Variants in CCN4 observed in about 807,000 individuals in gnomAD.
CCN4 encodes CCN family member 4.
A neutral mutation model predicts 36.7 loss-of-function variants in CCN4; 30 were observed. The ratio of observed to expected loss-of-function variants is 0.82; its 90% CI spans 0.61 to 1.11. CCN4 has a LOEUF of 1.11. Among genes scored for constraint, CCN4 ranks in the 50% least tolerant of loss-of-function variants. The pLI, the probability that CCN4 is intolerant of heterozygous loss-of-function variation, is 0.00. For missense variants in CCN4, 505 were observed against 504.9 expected, an observed-to-expected ratio of 1.00 and a Z score of 0.00; for synonymous variants, 191 against 195.4, an observed-to-expected ratio of 0.98 and a Z score of 0.19.
chr8:133,207,401 C>G (rs188962224), intron 1 of CCN4, among the ~76,000 whole-genome samples: 10 of 152,360 alleles, frequency 6.6e-5, no homozygotes, highest in Admixed American at 4.6e-4. Flanking sequence ...CCCAAAGCCT[C>G]TCCTTGAGCT....
intron 1 of CCN4, among the ~76,000 whole-genome samples, chr8:133,205,532 A>G (rs1325562659): frequency 6.6e-6 from 1 of 152,184 alleles, no homozygotes; most frequent in Non-Finnish European, 1.5e-5. Flanking sequence ...TCTGCAGAAC[A>G]GGCCCAGGCA....
intron 1 of CCN4, among the ~76,000 whole-genome samples, chr8:133,212,055 G>A (rs563665641): frequency 6.6e-6 from 1 of 152,276 alleles, no homozygotes; most frequent in South Asian, 2.1e-4. Flanking sequence ...GGCCTCTTGT[G>A]TCCATCATAT....
intron 1 of CCN4, among the ~76,000 whole-genome samples, chr8:133,202,371 G>T (rs1337196967): frequency 6.6e-6 from 1 of 152,130 alleles, no homozygotes; most frequent in Non-Finnish European, 1.5e-5. Context: ...CTGTCTCCTT[G>T]GAGGCTGGAC....
chr8:133,227,487 G>C lies in CCN4; in HGVS notation c.881G>C (p.Arg294Pro), dbSNP rs778202911. ...ACACTTGCGGGCTGCATCAGCACAC[G>C]CTCCTATCAACCCAAGTACTGTGGA... ...NFTLAGCISTRSYQPKYCGVC... is the reference protein window; with the variant it reads ...NFTLAGCISTPSYQPKYCGVC... The change falls in exon 5 of 5, where the codon CGC becomes CCC. Residue 294 changes from arginine to proline, a missense_variant. By Grantham distance (103) the Arg-to-Pro change is moderately radical (BLOSUM62 -2). Coordinates refer to ENST00000250160, the MANE Select transcript of CCN4 (RefSeq NM_003882.4). 9 of 1,614,180 alleles carry C rather than the reference G, an allele frequency of 5.6e-6. No homozygotes were observed. Among genetic ancestry groups the C allele is most frequent in the African/African-American group, 2.7e-5 (2 of 75,046 alleles).
chr8:133,217,477 A>G (rs1248288788), intron 2 of CCN4, among the ~76,000 whole-genome samples: 1 of 152,162 alleles, frequency 6.6e-6, no homozygotes, highest in Non-Finnish European at 1.5e-5. Flanking sequence ...AGGAAACCCA[A>G]CTGTCTTCAC....
Position 133,228,065 on chromosome 8 carries a change from A to G in CCN4, c.*355A>G, listed in dbSNP as rs1854811500. On this transcript the variant is annotated 3_prime_UTR_variant, in exon 5 of 5. Coordinates refer to ENST00000250160, the MANE Select transcript of CCN4 (RefSeq NM_003882.4). ...TTTTAATATCACTAATTTCTTCTTTAGATGCCAAACCACAAGACTCTTTGG... is the reference window on the plus strand; with the variant it reads ...TTTTAATATCACTAATTTCTTCTTTGGATGCCAAACCACAAGACTCTTTGG... 1 of 202,674 alleles carries G rather than the reference A, an allele frequency of 4.9e-6. No homozygotes were observed. Among genetic ancestry groups the G allele is most frequent in the African/African-American group, 2.3e-5 (1 of 43,064 alleles). 12.6% of individuals were successfully genotyped at this position (202,674 alleles called of 1,614,324 possible).
intron 1 of CCN4, among the ~76,000 whole-genome samples, chr8:133,203,713 T>A (rs56347411): frequency 0.054 from 8,251 of 152,222 alleles, 710 homozygotes; most frequent in African/African-American, 0.19. Context: ...GTGCCCTTTC[T>A]GCAAATTCCA....
At position 133,212,973 on chromosome 8, in the gene CCN4, C is replaced by T. The variant is rs145895971; in HGVS notation, c.179C>T (p.Pro60Leu). ...KWPCECPPSP[P>L]RCPLGVSLIT... ...CCATGTGAGTGCCCGCCATCCCCAC[C>T]CCGCTGCCCGCTGGGGGTCAGCCTC... Residue 60 changes from proline to leucine, a missense_variant, in exon 2 of 5, where the codon CCC (proline) becomes CTC (leucine). Transcript: ENST00000250160. The T allele has an allele frequency of 4.9e-5, 79 of 1,614,008 alleles. No homozygotes were observed. The highest frequency in any genetic ancestry group is 6.4e-5 in the Non-Finnish European group (76 of 1,180,010).
chr8:133,218,402 G>A (rs964956739), intron 2 of CCN4, among the ~76,000 whole-genome samples: 5 of 152,082 alleles, frequency 3.3e-5, no homozygotes, highest in East Asian at 1.9e-4. Context: ...TCTGCTTCCC[G>A]CTGTGGTCAC....
intron 3 of CCN4, among the ~76,000 whole-genome samples, chr8:133,221,587 T>G (rs1475831646): frequency 6.6e-6 from 1 of 150,502 alleles, no homozygotes; most frequent in African/African-American, 2.4e-5. Context: ...ATGGGTGGAT[T>G]AATAGATGGA....
At chr8:133,204,648 A>G (rs1853702912) in intron 1 of CCN4, among the ~76,000 whole-genome samples, 1 of 152,178 alleles carries the variant, frequency 6.6e-6, no homozygotes, top group Non-Finnish European at 1.5e-5. Context: ...TCTGACTCCC[A>G]GGTTCGAGCA....
chr8:133,196,358 A>G (rs914655239), intron 1 of CCN4, among the ~76,000 whole-genome samples: 24 of 152,360 alleles, frequency 1.6e-4, no homozygotes, highest in Non-Finnish European at 2.1e-4. Context: ...GTGAGAGCGC[A>G]ATATTCCCAT....
At chr8:133,202,816 G>T (rs1853636301) in intron 1 of CCN4, among the ~76,000 whole-genome samples, 1 of 152,220 alleles carries the variant, frequency 6.6e-6, no homozygotes, top group Non-Finnish European at 1.5e-5. Context: ...CGGGATACAG[G>T]TGCCTAGGGG....
intron 1 of CCN4, among the ~76,000 whole-genome samples, chr8:133,202,961 G>C (rs1355567836): frequency 6.6e-6 from 1 of 152,246 alleles, no homozygotes; most frequent in Non-Finnish European, 1.5e-5. Flanking sequence ...GGTCCCCAGG[G>C]CTTCTCTTTT....
In CCN4 at chr8:133,230,665, T is replaced by G. The variant is rs1854924458; in HGVS notation, c.*2955T>G. On this transcript the variant is annotated 3_prime_UTR_variant, in exon 5 of 5. Coordinates refer to ENST00000250160, the MANE Select transcript of CCN4 (RefSeq NM_003882.4). ...GACAAAGGAAAGCTACCCTAAGGGT[T>G]AGTTAACCTTTGCTGAGGAAATTTA... is the stretch of plus-strand genomic sequence containing the variant. 1.3e-5 allele frequency: 2 copies of G among 152,236 alleles called. No individual in the cohort carries two copies. The allele number at this position is 152,236 out of a possible 1,614,324, so 9.4% of individuals were successfully genotyped here. A position where few individuals can be genotyped will look rare whatever the true frequency, so the allele number is the denominator to read the frequency against.
chr8:133,227,348 G>A (rs1394105638), intron 4 of CCN4, 63 bp from the exon 5 acceptor site: 2 of 1,519,312 alleles, frequency 1.3e-6, no homozygotes, highest in East Asian at 4.5e-5. Flanking sequence ...GGGGGCTCAG[G>A]GGAAGAAGGT....
chr8:133,218,720 C>A (rs560881171), intron 2 of CCN4, among the ~76,000 whole-genome samples: 2 of 152,168 alleles, frequency 1.3e-5, no homozygotes, highest in Non-Finnish European at 1.5e-5. Context: ...TCTTTACCTG[C>A]ATTTCCAGAA....
Position 133,199,749 on chromosome 8 carries a change from G to C in CCN4, c.69+8536G>C, listed in dbSNP as rs151091694. Among the ~76,000 whole-genome samples the C allele has an allele frequency of 3.2e-4, 48 of 152,258 alleles. No individual in the cohort carries two copies. The East Asian group carries it at 3.7e-3, about 12-fold the overall frequency. ...ATGCCAGTTGACTTCCTTGACAGCT[G>C]TTTCTGGCCTTGTGCTCCAGTGCCA... is the stretch of plus-strand genomic sequence containing the variant. On this transcript the variant is annotated intron_variant, in intron 1 of 4. Transcript: ENST00000250160.
chr8:133,221,776 G>A (rs1401443835), intron 3 of CCN4, among the ~76,000 whole-genome samples: 1 of 151,952 alleles, frequency 6.6e-6, no homozygotes, highest in Non-Finnish European at 1.5e-5. Flanking sequence ...TGGACAGGTG[G>A]ATGGATGAAT....
Sources: allele counts gnomAD v4.1 joint callset (sites outside exome capture counted in the v4.1 genomes callset), GRCh38; gene constraint gnomAD v4.1.1; transcripts MANE v1.5; gene names NCBI Gene and HGNC (gene_info 2026-07-23, HGNC 2026-07-21).